The following DLGAP1 variants were observed in gnomAD, a reference collection of about 807,000 sequenced individuals.
The protein encoded by DLGAP1 is DLG associated protein 1.
In DLGAP1, 11 loss-of-function variants were observed where a neutral mutation model predicts 90.8. The ratio of observed to expected loss-of-function variants is 0.12; its 90% CI spans 0.08 to 0.20. The LOEUF is 0.20. Among genes scored for constraint, DLGAP1 ranks in the 10% least tolerant of loss-of-function variants. The pLI, the probability that DLGAP1 is intolerant of heterozygous loss-of-function variation, is 1.00. For missense variants in DLGAP1, 1,050 were observed against 1,333.8 expected (o/e 0.79, Z 3.31); for synonymous variants, 558 against 540.7 (o/e 1.03, Z -0.44).
intron 2 of DLGAP1, among the ~76,000 whole-genome samples, chr18:4,070,288 C>T (rs1217145027): frequency 6.6e-6 from 1 of 152,002 alleles, no homozygotes; most frequent in Admixed American, 6.6e-5. Flanking sequence ...TGGCCTAATT[C>T]TGCATTTTCT....
At chr18:3,679,859 T>C (rs2060449088) in intron 7 of DLGAP1, 2 of 151,694 alleles carry the variant, frequency 1.3e-5, no homozygotes, top group South Asian at 4.2e-4. Flanking sequence ...TTTCTTTTTT[T>C]TTTTTAAATA....
At chr18:4,026,932 C>T (rs577480455) in intron 2 of DLGAP1, among the ~76,000 whole-genome samples, 4 of 152,196 alleles carry the variant, frequency 2.6e-5, no homozygotes, top group Admixed American at 6.5e-5. Context: ...GGTGGCTCAG[C>T]CCCAAGGGAG....
At chr18:3,522,546 CTT>C (rs532794429) in intron 10 of DLGAP1, among the ~76,000 whole-genome samples, 12 of 116,518 alleles carry the variant, frequency 1.0e-4, no homozygotes, top group East Asian at 2.5e-4. Context: ...GCAGTCAACT[CTT>C]TTTTTTTTTT....
At chr18:4,287,965 G>C (rs531641911) in intron 1 of DLGAP1, among the ~76,000 whole-genome samples, 124 of 152,076 alleles carry the variant, frequency 8.2e-4, no homozygotes, top group Non-Finnish European at 1.6e-3. Context: ...GTCACCTTGG[G>C]GTACTGAGAA....
intron 1 of DLGAP1, among the ~76,000 whole-genome samples, chr18:4,408,373 A>C (rs571227766): frequency 1.3e-5 from 2 of 152,308 alleles, no homozygotes; most frequent in South Asian, 4.1e-4. Context: ...TTGTTACTAC[A>C]TCCAACTGGA....
intron 1 of DLGAP1, among the ~76,000 whole-genome samples, chr18:4,304,402 A>C (rs1486645730): frequency 6.6e-6 from 1 of 152,154 alleles, no homozygotes; most frequent in Non-Finnish European, 1.5e-5. Flanking sequence ...ATTTTCAAAC[A>C]CCTATTTGTG....
intron 2 of DLGAP1, among the ~76,000 whole-genome samples, chr18:4,007,985 A>G (rs1467650803): frequency 6.6e-6 from 1 of 152,274 alleles, no homozygotes; most frequent in South Asian, 2.1e-4. Flanking sequence ...GGAAAATATG[A>G]CTATTCATTT....
At chr18:4,252,610 G>A (rs933197067) in intron 1 of DLGAP1, among the ~76,000 whole-genome samples, 45 of 152,196 alleles carry the variant, frequency 3.0e-4, no homozygotes, top group Admixed American at 2.0e-4. Flanking sequence ...TTACAAAACA[G>A]TTGAACTTTC....
At chr18:4,315,102 T>C (rs535641296) in intron 1 of DLGAP1, among the ~76,000 whole-genome samples, 1 of 152,292 alleles carries the variant, frequency 6.6e-6, no homozygotes, top group African/African-American at 2.4e-5. Context: ...GGAGTCAAAC[T>C]GCTAGGGTGG....
intron 7 of DLGAP1, among the ~76,000 whole-genome samples, chr18:3,667,894 G>C (rs1430404703): frequency 2.0e-5 from 3 of 152,102 alleles, no homozygotes; most frequent in African/African-American, 7.2e-5. Flanking sequence ...TTTGATAAGA[G>C]GCTTATTTCT....
In DLGAP1 at chr18:3,709,087, A is replaced by C. The variant is rs1004389291; in HGVS notation, c.1591+20048T>G. ...ATTATATGCCAGATACTGGTTATAC[A>C]ACCGTGGAAAAAACATAGTCCTTCC... On this transcript the variant is annotated intron_variant, in intron 7 of 12. Coordinates refer to ENST00000315677, the MANE Select transcript of DLGAP1 (RefSeq NM_004746.4). 1.2e-4 allele frequency among the ~76,000 whole-genome samples: 18 copies of C among 152,354 alleles called. No individual in the cohort carries two copies. The East Asian group carries it at 3.5e-3, about 29-fold the overall frequency.
intron 7 of DLGAP1, among the ~76,000 whole-genome samples, chr18:3,724,756 AG>A (rs976801333): frequency 2.0e-5 from 3 of 152,046 alleles, no homozygotes; most frequent in African/African-American, 7.2e-5. Flanking sequence ...AAAAAAAATT[AG>A]CCAGGCGTGG....
chr18:3,898,908 TTAAAGTAAAG>T (rs113841351), intron 3 of DLGAP1, among the ~76,000 whole-genome samples: 3 of 152,068 alleles, frequency 2.0e-5, no homozygotes, highest in East Asian at 1.9e-4. Flanking sequence ...GATAGGCCAT[TTAAAGTAAAG>T]TAAAGTAAAG....
Position 3,711,452 on chromosome 18 carries a change from C to G in DLGAP1, c.1591+17683G>C, listed in dbSNP as rs1421738621. On this transcript the variant is annotated intron_variant, in intron 7 of 12. Transcript: ENST00000315677. This position sits in a 1 kb window ranked among gnomAD's most constrained non-coding sequence, Gnocchi z 4.0. The stretch of plus-strand genomic sequence containing the variant: ...AATGTAAAACAAAAAATAAAAATAC[C>G]CACCTAGGTGAGACAACTTCAACTT... 2.6e-5 allele frequency among the ~76,000 whole-genome samples: 4 copies of G among 152,118 alleles called. No individual in the cohort carries two copies. Among genetic ancestry groups the G allele is most frequent in the Non-Finnish European group, 5.9e-5 (4 of 68,016 alleles).
At chr18:3,956,496 C>A (rs573954828) in intron 3 of DLGAP1, among the ~76,000 whole-genome samples, 1 of 151,988 alleles carries the variant, frequency 6.6e-6, no homozygotes, top group African/African-American at 2.4e-5. Context: ...CTACAGTCAC[C>A]CGCCACCATG....
In DLGAP1 at chr18:3,502,609, A is replaced by G; in HGVS notation, c.2608T>C (p.Leu870=). 1 of 1,614,152 alleles carries G rather than the reference A, an allele frequency of 6.2e-7. No individual in the cohort carries two copies. Residue 870 remains leucine, a synonymous_variant, in exon 12 of 13, where the codon TTG becomes CTG. Coordinates refer to ENST00000315677, the MANE Select transcript of DLGAP1 (RefSeq NM_004746.4). ...NAHPRPTSQD[L]AGFWDMLQLS... is the part of the protein sequence containing the mutation. The stretch of plus-strand genomic sequence containing the variant: ...TGCAGCATGTCCCAAAACCCCGCCA[A>G]ATCCTGGGAGGTGGGTCTTGGATGA...
chr18:4,246,448 T>C (rs1277015994), intron 1 of DLGAP1, among the ~76,000 whole-genome samples: 1 of 152,148 alleles, frequency 6.6e-6, no homozygotes, highest in Non-Finnish European at 1.5e-5. Context: ...TGGGATATGG[T>C]CACACCTTTG....
chr18:4,002,310 G>C lies in DLGAP1; in HGVS notation c.-73+2806C>G, dbSNP rs16945829. 3.9e-4 allele frequency among the ~76,000 whole-genome samples: 37 copies of C among 94,300 alleles called. No individual in the cohort carries two copies. The East Asian group carries it at 6.4e-3, about 16-fold the overall frequency. The allele number at this position is 94,300 out of a possible 152,430, so 61.9% of individuals were successfully genotyped here. On this transcript the variant is annotated intron_variant, in intron 3 of 12. Transcript: ENST00000315677. ...GCCTGTCTATGTTAACACGTTTTCTGATGCACTATACAGTTGACCTTTGAA... is the reference window on the plus strand; with the variant it reads ...GCCTGTCTATGTTAACACGTTTTCTCATGCACTATACAGTTGACCTTTGAA...
At chr18:3,919,855 A>C (rs1316564940) in intron 3 of DLGAP1, among the ~76,000 whole-genome samples, 1 of 152,226 alleles carries the variant, frequency 6.6e-6, no homozygotes, top group East Asian at 1.9e-4. Flanking sequence ...CTGTGCTCTC[A>C]GCCTGTAAGC....
Sources: allele counts gnomAD v4.1 joint callset (sites outside exome capture counted in the v4.1 genomes callset), GRCh38; gene constraint gnomAD v4.1.1; non-coding constraint Gnocchi (gnomAD v3.1); transcripts MANE v1.5; gene names NCBI Gene and HGNC (gene_info 2026-07-23, HGNC 2026-07-21).